ZMYM4: variants seen among roughly 807,000 people sequenced by gnomAD.
The protein encoded by ZMYM4 is zinc finger MYM-type protein 4.
Under a neutral mutation model 183.2 loss-of-function variants are expected in ZMYM4, and 31 were observed. The observed-to-expected ratio is 0.17, with a 90% CI of 0.13 to 0.23. The LOEUF (loss-of-function observed/expected upper bound fraction) is 0.23. Ranked by LOEUF, ZMYM4 falls within the 10% of genes least tolerant of loss-of-function variation. The pLI is 1.00. For missense variants in ZMYM4, 1,273 were observed against 1,840.3 expected (o/e 0.69, Z 5.64); for synonymous variants, 592 against 631.2 (o/e 0.94, Z 0.93).
intron 23 of ZMYM4, among the ~76,000 whole-genome samples, chr1:35,400,851 A>G (rs966177773): frequency 2.0e-5 from 3 of 152,206 alleles, no homozygotes; most frequent in African/African-American, 7.2e-5. Context: ...TTTCACATGA[A>G]TGGAATCCTA....
At chr1:35,275,560 G>A (rs1639830217) in intron 1 of ZMYM4, among the ~76,000 whole-genome samples, 1 of 152,148 alleles carries the variant, frequency 6.6e-6, no homozygotes, top group Admixed American at 6.5e-5. Flanking sequence ...TATGTAAGTA[G>A]ATAAATATAA....
intron 25 of ZMYM4, among the ~76,000 whole-genome samples, chr1:35,406,252 T>C (rs576254157): frequency 2.8e-4 from 43 of 152,310 alleles, no homozygotes; most frequent in African/African-American, 9.4e-4. Context: ...GACTAACTCA[T>C]TGAGTTCCTA....
intron 1 of ZMYM4, among the ~76,000 whole-genome samples, chr1:35,309,580 T>A (rs1641698086): frequency 6.6e-6 from 1 of 152,254 alleles, no homozygotes; most frequent in African/African-American, 2.4e-5. Context: ...CTCATCTATC[T>A]CTTTAAAAAC....
At position 35,359,125 on chromosome 1, in the gene ZMYM4, A is replaced by G. The variant is rs767976318; in HGVS notation, c.286A>G (p.Ser96Gly). The G allele has an allele frequency of 6.2e-7, 1 of 1,613,834 alleles. No individual in the cohort carries two copies. The highest frequency in any genetic ancestry group is 1.1e-5 in the South Asian group (1 of 91,074). The change falls in exon 3 of 30, where the codon AGT (serine) becomes GGT (glycine). Residue 96 changes from serine to glycine, a missense_variant. By Grantham distance (56) the Ser-to-Gly change is moderately conservative. Around this residue, in one of 6 missense-constraint regions of ZMYM4, gnomAD observed 384 missense variants for 465.6 expected, o/e 0.82. Coordinates refer to ENST00000314607, the MANE Select transcript of ZMYM4 (RefSeq NM_005095.3). ...GSDNEDEQDF[S>G]SKDNLVSSIH... ...TGACAATGAGGATGAACAGGATTTT[A>G]GTTCAAAGGACAATCTTGTTTCTTC...
chr1:35,301,109 T>G (rs1391759047), intron 1 of ZMYM4, among the ~76,000 whole-genome samples: 2 of 152,232 alleles, frequency 1.3e-5, no homozygotes, highest in Non-Finnish European at 2.9e-5. Flanking sequence ...GATAAACAAG[T>G]CTTTTTGAGG....
chr1:35,409,449 CT>C (rs574950499), intron 26 of ZMYM4, among the ~76,000 whole-genome samples: 292 of 144,228 alleles, frequency 2.0e-3, no homozygotes, highest in African/African-American at 3.7e-3. Context: ...TAATTTCTGT[CT>C]TTTTTTTTTT....
chr1:35,394,086 AC>A (rs1644760245), intron 18 of ZMYM4, among the ~76,000 whole-genome samples: 1 of 149,982 alleles, frequency 6.7e-6, no homozygotes, highest in Non-Finnish European at 1.5e-5. Flanking sequence ...TTAGGTTTGA[AC>A]TACTCCACAG....
At chr1:35,292,184 TGTTTTA>T (rs1640794185) in intron 1 of ZMYM4, 1 of 152,142 alleles carries the variant, frequency 6.6e-6, no homozygotes, top group South Asian at 2.1e-4. Flanking sequence ...CTTGTGTTTT[TGTTTTA>T]GTTTTAGACA....
At chr1:35,376,684 C>A (rs150414013) in intron 7 of ZMYM4, among the ~76,000 whole-genome samples, 2,659 of 151,974 alleles carry the variant, frequency 0.017, 72 homozygotes, top group African/African-American at 0.06. Flanking sequence ...CCACCATGCC[C>A]AGCTAATTTT....
chr1:35,316,142 C>T (rs922779339), intron 1 of ZMYM4, among the ~76,000 whole-genome samples: 1 of 151,982 alleles, frequency 6.6e-6, no homozygotes, highest in Non-Finnish European at 1.5e-5. Context: ...GATTATGTAG[C>T]CCAACTTTAT....
In ZMYM4 at chr1:35,370,366, TTA is replaced by T; in HGVS notation, c.926-5_926-4del. 9.1e-6 allele frequency: 13 copies of T among 1,430,002 alleles called. No homozygotes were observed. Among genetic ancestry groups the T allele is most frequent in the South Asian group, 1.6e-5 (1 of 63,108 alleles). 88.6% of individuals were successfully genotyped at this position (1,430,002 alleles called of 1,614,324 possible). A position where few individuals can be genotyped will look rare whatever the true frequency, so the allele number is the denominator to read the frequency against. ...TTTTTTTTTTTTTTTTTTTTTTTTT[TTA>T]AAGCTCCACAGTTGACTACTGGCTT... On this transcript the variant is annotated splice_region_variant and splice_polypyrimidine_tract_variant and intron_variant, in intron 6 of 29. Coordinates refer to ENST00000314607, the MANE Select transcript of ZMYM4 (RefSeq NM_005095.3).
chr1:35,301,391 A>G (rs1008658187), intron 1 of ZMYM4, among the ~76,000 whole-genome samples: 2 of 152,092 alleles, frequency 1.3e-5, no homozygotes, highest in Non-Finnish European at 2.9e-5. Context: ...TACTAAAAGT[A>G]CAAAATTAGT....
chr1:35,403,259 G>T (rs1158570331), intron 23 of ZMYM4, among the ~76,000 whole-genome samples: 1 of 151,896 alleles, frequency 6.6e-6, no homozygotes, highest in African/African-American at 2.4e-5. Context: ...TGCTGGATTT[G>T]GTTTGCTAAT....
chr1:35,358,460 T>C (rs1341854913), intron 2 of ZMYM4, among the ~76,000 whole-genome samples: 1 of 152,172 alleles, frequency 6.6e-6, no homozygotes, highest in Non-Finnish European at 1.5e-5. Flanking sequence ...ATAATAATTA[T>C]AATTACCATT....
At chr1:35,305,140 A>G (rs1356593204) in intron 1 of ZMYM4, among the ~76,000 whole-genome samples, 1 of 152,106 alleles carries the variant, frequency 6.6e-6, no homozygotes, top group East Asian at 1.9e-4. Flanking sequence ...GACTGCGCCC[A>G]GCCCACAAGT....
intron 7 of ZMYM4, 157 bp downstream of exon 7, chr1:35,370,784 T>C: frequency 3.2e-6 from 3 of 950,598 alleles, no homozygotes; most frequent in Non-Finnish European, 4.2e-6. Flanking sequence ...CTGCTTTCAG[T>C]TGTTGCTTTT....
intron 1 of ZMYM4, among the ~76,000 whole-genome samples, chr1:35,298,074 A>T (rs1387020871): frequency 6.6e-6 from 1 of 152,212 alleles, no homozygotes; most frequent in African/African-American, 2.4e-5. Context: ...ATAAATCTGG[A>T]TGATGGCCAG....
At chr1:35,329,146 C>G (rs1642628855) in intron 2 of ZMYM4, among the ~76,000 whole-genome samples, 1 of 152,188 alleles carries the variant, frequency 6.6e-6, no homozygotes, top group African/African-American at 2.4e-5. Context: ...ATTGAGAAAT[C>G]TAGTTTAAAC....
At chr1:35,352,406 A>ACT (rs1643661340) in intron 2 of ZMYM4, among the ~76,000 whole-genome samples, 1 of 151,862 alleles carries the variant, frequency 6.6e-6, no homozygotes, top group African/African-American at 2.4e-5. Context: ...ACACACACAC[A>ACT]CACACACACA....
Sources: allele counts gnomAD v4.1 joint callset (sites outside exome capture counted in the v4.1 genomes callset), GRCh38; gene constraint gnomAD v4.1.1; regional missense constraint gnomAD v4.1.1; transcripts MANE v1.5; gene names NCBI Gene and HGNC (gene_info 2026-07-23, HGNC 2026-07-21).